CDC42BPB: variants seen among roughly 807,000 people sequenced by gnomAD.
CDC42BPB encodes the protein serine/threonine-protein kinase MRCK beta.
A neutral mutation model predicts 214.9 loss-of-function variants in CDC42BPB; 37 were observed. The observed-to-expected ratio is 0.17, with a 90% confidence interval of 0.13 to 0.23. The LOEUF is 0.23. CDC42BPB is among the 10% of genes least tolerant of loss of function. The pLI, the probability that CDC42BPB is intolerant of heterozygous loss-of-function variation, is 1.00. For missense variants in CDC42BPB, 1,694 were observed against 2,227.0 expected (o/e 0.76, Z 4.82); for synonymous variants, 931 against 884.0 (o/e 1.05, Z -0.94).
intron 23 of CDC42BPB, among the ~76,000 whole-genome samples, chr14:102,953,831 G>A (rs1033489734): frequency 6.6e-6 from 1 of 152,210 alleles, no homozygotes; most frequent in South Asian, 2.1e-4. Context: ...ACATGGTTCT[G>A]TAAGGTTCTC....
intron 1 of CDC42BPB, among the ~76,000 whole-genome samples, chr14:103,038,079 G>T (rs947006413): frequency 6.6e-6 from 1 of 150,998 alleles, no homozygotes; most frequent in South Asian, 2.1e-4. Flanking sequence ...GCTCATGCCT[G>T]TAATCCCAGC....
intron 14 of CDC42BPB, 69 bp downstream of exon 14, chr14:102,970,082 C>T (rs1004411828): frequency 8.0e-7 from 1 of 1,254,874 alleles, no homozygotes; most frequent in Non-Finnish European, 1.1e-6. Context: ...AAGGTGACTT[C>T]CATGTGGTGG....
chr14:102,946,232 C>G (rs930546613), intron 28 of CDC42BPB, among the ~76,000 whole-genome samples: 2 of 152,038 alleles, frequency 1.3e-5, no homozygotes, highest in East Asian at 1.9e-4. Context: ...ACCGTGTTAG[C>G]CAGGATGGTC....
At chr14:103,015,327 A>T (rs1886395629) in intron 1 of CDC42BPB, among the ~76,000 whole-genome samples, 1 of 152,208 alleles carries the variant, frequency 6.6e-6, no homozygotes, top group South Asian at 2.1e-4. Context: ...GTACTGGTGT[A>T]TAAAAATAAT....
chr14:103,010,973 T>G (rs1181916597), intron 2 of CDC42BPB, among the ~76,000 whole-genome samples: 1 of 152,150 alleles, frequency 6.6e-6, no homozygotes, highest in African/African-American at 2.4e-5. Flanking sequence ...GAGCTTGCAG[T>G]GAGCGGAGAT....
chr14:103,016,955 G>A (rs927557157), intron 1 of CDC42BPB, among the ~76,000 whole-genome samples: 13 of 152,140 alleles, frequency 8.5e-5, no homozygotes, highest in Non-Finnish European at 1.9e-4. Flanking sequence ...CGCAAGGTGA[G>A]CCTGCAGCAG....
intron 1 of CDC42BPB, among the ~76,000 whole-genome samples, chr14:103,054,581 A>G (rs1409037178): frequency 6.6e-6 from 1 of 152,256 alleles, no homozygotes; most frequent in Non-Finnish European, 1.5e-5. Flanking sequence ...CTAACTGCAC[A>G]CATGTTAACT....
rs1029187345 is a variant in CDC42BPB at position 102,943,238 on chromosome 14, T to A, written c.4408+653A>T. ...AGCCTCCTGCCTCAGTCTCGCACAG[T>A]GCTGGGATTACAGGTGTGAGCCACC... On this transcript the variant is annotated intron_variant, in intron 30 of 36. Coordinates refer to ENST00000361246, the MANE Select transcript of CDC42BPB (RefSeq NM_006035.4). The surrounding 1 kb of genome is among the most constrained non-coding windows in gnomAD (Gnocchi z 4.6). Among the ~76,000 whole-genome samples, 1 of 152,150 alleles carries A rather than the reference T, an allele frequency of 6.6e-6. No individual in the cohort carries two copies. Among genetic ancestry groups the A allele is most frequent in the African/African-American group, 2.4e-5 (1 of 41,432 alleles).
intron 26 of CDC42BPB, chr14:102,948,049 T>A (rs1169410257): frequency 9.7e-6 from 8 of 826,890 alleles, no homozygotes; most frequent in African/African-American, 1.9e-5. Context: ...ACTGTGCTGG[T>A]GCCTCCAGAC....
rs1892244661 is a variant in CDC42BPB at position 102,947,656 on chromosome 14, G to T, written c.3531+65C>A. On this transcript the variant is annotated intron_variant, in intron 27 of 36. Transcript: ENST00000361246. The stretch of plus-strand genomic sequence containing the variant: ...GCGCTGATGGCTGCCGCAGCACAAT[G>T]ACATGCCTAGAACAATCAGTTTTAA... 18 of 1,377,944 alleles carry T rather than the reference G, an allele frequency of 1.3e-5. No individual in the cohort carries two copies. The East Asian group carries it at 3.7e-4, about 28-fold the overall frequency. The allele number at this position is 1,377,944 out of a possible 1,614,324, so 85.4% of individuals were successfully genotyped here.
In CDC42BPB at chr14:103,030,034, C is replaced by T. The variant is rs1263818870; in HGVS notation, c.176-17846G>A. Among the ~76,000 whole-genome samples, 6 of 152,058 alleles carry T rather than the reference C, an allele frequency of 3.9e-5. No individual in the cohort carries two copies. The South Asian group carries it at 6.2e-4, about 16-fold the overall frequency. On this transcript the variant is annotated intron_variant, in intron 1 of 36. Transcript: ENST00000361246. Reference sequence around the variant, plus strand: ...CAACTCCAACCCTCCCAGTGCCTAACTGGCTCTCACAGGGTGGCTGCTCCT... The same window carrying T: ...CAACTCCAACCCTCCCAGTGCCTAATTGGCTCTCACAGGGTGGCTGCTCCT...
At chr14:102,985,606 CTTTA>C (rs1894209869) in intron 6 of CDC42BPB, among the ~76,000 whole-genome samples, 2 of 152,220 alleles carry the variant, frequency 1.3e-5, no homozygotes, top group Non-Finnish European at 2.9e-5. Flanking sequence ...GAGCAAACTG[CTTTA>C]TTTCTTATAA....
intron 36 of CDC42BPB, among the ~76,000 whole-genome samples, chr14:102,936,105 T>TC (rs1191461697): frequency 2.6e-5 from 4 of 152,138 alleles, no homozygotes; most frequent in Non-Finnish European, 5.9e-5. Flanking sequence ...CAAGAACAAG[T>TC]ATTGGTGAGG....
chr14:102,946,831 G>A, intron 27 of CDC42BPB, 147 bp from the exon 28 acceptor site: 1 of 1,449,104 alleles, frequency 6.9e-7, no homozygotes, highest in Non-Finnish European at 9.0e-7. Context: ...CCACCTCGCT[G>A]GGCGCCTTGC....
At chr14:103,016,174 G>A (rs1372373730) in intron 1 of CDC42BPB, among the ~76,000 whole-genome samples, 2 of 152,262 alleles carry the variant, frequency 1.3e-5, no homozygotes, top group Admixed American at 6.5e-5. Context: ...AGTGCAGCCA[G>A]CTGACGCTGG....
chr14:102,958,052 T>C (rs1476528586), intron 21 of CDC42BPB, among the ~76,000 whole-genome samples: 1 of 152,110 alleles, frequency 6.6e-6, no homozygotes, highest in Non-Finnish European at 1.5e-5. Flanking sequence ...AGGGAACAGA[T>C]GGGGAACTGT....
chr14:103,036,315 G>A (rs368895552), intron 1 of CDC42BPB, among the ~76,000 whole-genome samples: 52 of 151,932 alleles, frequency 3.4e-4, no homozygotes, highest in Admixed American at 3.4e-3. Flanking sequence ...ACCACGCCCG[G>A]CTAATTTTTT....
chr14:102,933,331 C>T lies in CDC42BPB; in HGVS notation c.*381G>A. 5.4e-6 allele frequency: 1 copy of T among 186,018 alleles called. No homozygotes were observed. The highest frequency in any genetic ancestry group is 1.1e-5 in the Non-Finnish European group (1 of 90,904). The allele number at this position is 186,018 out of a possible 1,614,324, so 11.5% of individuals were successfully genotyped here. On this transcript the variant is annotated 3_prime_UTR_variant, in exon 37 of 37. Transcript: ENST00000361246. Reference sequence around the variant, plus strand: ...AAAGTTTCAGGAACTAGGGAAAAGACTGGGTACTGAGGCTGTGTCCCCAGA... The same window carrying T: ...AAAGTTTCAGGAACTAGGGAAAAGATTGGGTACTGAGGCTGTGTCCCCAGA...
chr14:102,955,324 G>A (rs1358266353), intron 21 of CDC42BPB, among the ~76,000 whole-genome samples: 3 of 152,212 alleles, frequency 2.0e-5, no homozygotes, highest in Admixed American at 6.5e-5. Context: ...TCTGGAGGCT[G>A]AGGCACGACA....
Sources: gnomAD v4.1 joint callset for allele counts (sites outside exome capture counted in the v4.1 genomes callset) on GRCh38, gnomAD v4.1.1 for gene constraint, Gnocchi (gnomAD v3.1) non-coding constraint, MANE v1.5 for transcripts, NCBI Gene and HGNC (gene_info 2026-07-23, HGNC 2026-07-21) for gene names.